PCDHGA2: variants seen among roughly 807,000 people sequenced by gnomAD.
PCDHGA2 encodes protocadherin gamma-A2.
Under a neutral mutation model 59.2 loss-of-function variants are expected in PCDHGA2, and 40 were observed. The observed-to-expected ratio is 0.68, with a 90% CI of 0.52 to 0.88. The LOEUF is 0.88. PCDHGA2 is among the 40% of genes least tolerant of loss of function. PCDHGA2 has a pLI of 0.00. For synonymous variants in PCDHGA2, 560 were observed against 526.0 expected (o/e 1.06, Z -0.89); for missense variants, 1,226 against 1,204.0 (o/e 1.02, Z -0.27).
intron 1 of PCDHGA2, chr5:141,373,808 A>C (rs1769864521): frequency 5.8e-6 from 2 of 342,678 alleles, no homozygotes; most frequent in South Asian, 1.1e-4. Flanking sequence ...TCTGTGTGAT[A>C]GTTTCACAAA....
intron 1 of PCDHGA2, chr5:141,361,959 G>A: frequency 6.2e-7 from 1 of 1,602,806 alleles, no homozygotes; most frequent in Non-Finnish European, 8.5e-7. Flanking sequence ...CCTACCACGT[G>A]CTGCAGGCCA....
intron 1 of PCDHGA2, chr5:141,384,294 C>G: frequency 6.2e-7 from 1 of 1,613,864 alleles, no homozygotes; most frequent in Non-Finnish European, 8.5e-7. Flanking sequence ...CTGAGAACAA[C>G]CCCAGAGGGG....
chr5:141,389,429 G>T, intron 1 of PCDHGA2: 1 of 1,610,654 alleles, frequency 6.2e-7, no homozygotes, highest in East Asian at 2.2e-5. Flanking sequence ...TGTTCGCGCA[G>T]CGCGCCTTCG....
At chr5:141,459,199 A>G (rs930769883) in intron 1 of PCDHGA2, among the ~76,000 whole-genome samples, 6 of 152,200 alleles carry the variant, frequency 3.9e-5, no homozygotes, top group African/African-American at 1.4e-4. Flanking sequence ...TTTGCAATCA[A>G]TTCACTACTT....
rs1349935659 is a variant in PCDHGA2 at position 141,507,722 on chromosome 5, A to C, written c.2572+2241A>C. 6.6e-5 allele frequency among the ~76,000 whole-genome samples: 10 copies of C among 152,354 alleles called. No homozygotes were observed. In the East Asian group the frequency reaches 1.9e-3, roughly 29 times the overall value. ...ATTTATGGCCCCAAACCCTCCAAGC[A>C]AGTCATGCAGCTCGTTCCCCTGTCA... On this transcript the variant is annotated intron_variant, in intron 3 of 3. Coordinates refer to ENST00000394576, the MANE Select transcript of PCDHGA2 (RefSeq NM_018915.4).
At chr5:141,361,580 G>C in intron 1 of PCDHGA2, 1 of 1,614,034 alleles carries the variant, frequency 6.2e-7, no homozygotes, top group African/African-American at 1.3e-5. Flanking sequence ...CCTGACTTGG[G>C]CCCCAGTGGC....
At chr5:141,444,578 C>G (rs1030770037) in intron 1 of PCDHGA2, among the ~76,000 whole-genome samples, 1 of 152,134 alleles carries the variant, frequency 6.6e-6, no homozygotes, top group Non-Finnish European at 1.5e-5. Context: ...TTGACTCTTC[C>G]TTTCTACTTA....
intron 1 of PCDHGA2, chr5:141,400,672 A>G: frequency 1.1e-6 from 1 of 934,884 alleles, no homozygotes; most frequent in Non-Finnish European, 1.6e-6. Flanking sequence ...TAAGAGGAGC[A>G]GTAAATTGTG....
intron 1 of PCDHGA2, among the ~76,000 whole-genome samples, chr5:141,397,240 T>C (rs1291416263): frequency 6.6e-6 from 1 of 152,176 alleles, no homozygotes; most frequent in Non-Finnish European, 1.5e-5. Flanking sequence ...AAGAGCAACG[T>C]AGTAGGGTAT....
At chr5:141,419,773 C>G (rs2096431068) in intron 1 of PCDHGA2, 1 of 1,613,916 alleles carries the variant, frequency 6.2e-7, no homozygotes, top group Non-Finnish European at 8.5e-7. Context: ...AGGACTCGGT[C>G]CGCCAGCGCC....
At chr5:141,419,744 G>A (rs760207269) in intron 1 of PCDHGA2, 28 of 1,613,778 alleles carry the variant, frequency 1.7e-5, no homozygotes, top group East Asian at 2.2e-5. Context: ...GGTGCGCATG[G>A]TGCGTGCTTT....
At position 141,384,585 on chromosome 5, in the gene PCDHGA2, C is replaced by T. The variant is rs545796754; in HGVS notation, c.2424+43190C>T. 4.3e-6 allele frequency: 7 copies of T among 1,614,246 alleles called. No individual in the cohort carries two copies. In the African/African-American group the frequency reaches 6.7e-5, roughly 15 times the overall value. ...ACCAGAATGACAACCCGCCCGAGAT[C>T]CTGTACCCGGCCCTCCCCACAGATG... On this transcript the variant is annotated intron_variant, in intron 1 of 3. Coordinates refer to ENST00000394576, the MANE Select transcript of PCDHGA2 (RefSeq NM_018915.4).
intron 1 of PCDHGA2, among the ~76,000 whole-genome samples, chr5:141,449,680 T>C (rs2098651613): frequency 6.6e-6 from 1 of 151,546 alleles, no homozygotes; most frequent in Admixed American, 6.6e-5. Flanking sequence ...TATGTATATA[T>C]GTTTGTGTGT....
chr5:141,398,111 T>C, intron 1 of PCDHGA2: 1 of 1,594,080 alleles, frequency 6.3e-7, no homozygotes, highest in East Asian at 2.2e-5. Context: ...GTGAGCAAGC[T>C]GAGGAGAGCA....
At chr5:141,387,089 G>A (rs1034064461) in intron 1 of PCDHGA2, among the ~76,000 whole-genome samples, 1 of 152,162 alleles carries the variant, frequency 6.6e-6, no homozygotes, top group Non-Finnish European at 1.5e-5. Flanking sequence ...TGTGATCATC[G>A]AAATGAGAAT....
intron 1 of PCDHGA2, chr5:141,362,618 A>G: frequency 6.5e-7 from 1 of 1,536,872 alleles, no homozygotes; most frequent in Non-Finnish European, 8.8e-7. Flanking sequence ...TTGGGTAGGA[A>G]GTTCCACTGC....
intron 1 of PCDHGA2, chr5:141,394,856 G>T (rs1008039711): frequency 1.2e-6 from 2 of 1,613,674 alleles, no homozygotes; most frequent in African/African-American, 2.7e-5. Context: ...TGAAGCCTTC[G>T]GTCGACCCGA....
At chr5:141,413,329 A>G (rs762420040) in intron 1 of PCDHGA2, 1 of 1,613,966 alleles carries the variant, frequency 6.2e-7, no homozygotes, top group Non-Finnish European at 8.5e-7. Context: ...CGTGGGCAAC[A>G]TCTCCAAGGA....
intron 1 of PCDHGA2, chr5:141,428,419 C>G: frequency 4.4e-6 from 2 of 451,920 alleles, no homozygotes; most frequent in Non-Finnish European, 4.1e-6. Flanking sequence ...TCACCCTGGT[C>G]TCTGTTCTAA....
Sources: allele counts gnomAD v4.1 joint callset (sites outside exome capture counted in the v4.1 genomes callset), GRCh38; gene constraint gnomAD v4.1.1; transcripts MANE v1.5; gene names NCBI Gene and HGNC (gene_info 2026-07-23, HGNC 2026-07-21).